FRMD4A: variants seen among roughly 807,000 people sequenced by gnomAD.
FRMD4A encodes FERM domain-containing protein 4A.
FRMD4A carries 29 observed loss-of-function variants against 129.1 expected under a neutral mutation model. That is an observed-to-expected ratio of 0.22 (90% CI 0.17 to 0.31). The LOEUF (loss-of-function observed/expected upper bound fraction) is 0.31. Among genes scored for constraint, FRMD4A ranks in the 10% least tolerant of loss-of-function variants. The pLI is 1.00. For synonymous variants in FRMD4A, 634 were observed against 571.6 expected, an observed-to-expected ratio of 1.11 and a Z score of -1.56; for missense variants, 1,272 against 1,375.8, an observed-to-expected ratio of 0.92 and a Z score of 1.19.
chr10:13,979,859 G>A (rs1202682463), intron 2 of FRMD4A, among the ~76,000 whole-genome samples: 1 of 152,164 alleles, frequency 6.6e-6, no homozygotes. Context: ...GCTGCTTTTA[G>A]GTGGCCATGC....
At chr10:14,105,622 G>T (rs939918573) in intron 2 of FRMD4A, among the ~76,000 whole-genome samples, 4 of 152,096 alleles carry the variant, frequency 2.6e-5, no homozygotes, top group Non-Finnish European at 5.9e-5. Flanking sequence ...ATTCTAAAAT[G>T]GTGCTTAGAC....
chr10:13,970,450 G>A (rs373483770), intron 2 of FRMD4A, among the ~76,000 whole-genome samples: 2 of 152,108 alleles, frequency 1.3e-5, no homozygotes, highest in African/African-American at 2.4e-5. Context: ...GCGAGGGGAC[G>A]GGTGGTTTAG....
chr10:14,164,806 C>T (rs186811527), intron 2 of FRMD4A, among the ~76,000 whole-genome samples: 1 of 152,320 alleles, frequency 6.6e-6, no homozygotes, highest in Admixed American at 6.5e-5. Context: ...CAACCTGCAA[C>T]CCACGATGGC....
chr10:13,829,250 C>A (rs1047874714), intron 3 of FRMD4A, among the ~76,000 whole-genome samples: 9 of 152,154 alleles, frequency 5.9e-5, no homozygotes, highest in African/African-American at 2.2e-4. Flanking sequence ...TCCGGCAGGG[C>A]ATGGTGGCTC....
intron 3 of FRMD4A, among the ~76,000 whole-genome samples, chr10:13,812,676 G>A (rs2093469694): frequency 6.6e-6 from 1 of 152,156 alleles, no homozygotes; most frequent in Non-Finnish European, 1.5e-5. Context: ...TGGGCTCCTG[G>A]GTGGCAGCCT....
intron 2 of FRMD4A, among the ~76,000 whole-genome samples, chr10:13,875,927 G>A (rs1039988265): frequency 2.6e-5 from 4 of 152,220 alleles, no homozygotes; most frequent in African/African-American, 9.6e-5. Flanking sequence ...CTAATCTGAT[G>A]TGTATAAAGT....
At chr10:14,115,262 G>A (rs1327000) in intron 2 of FRMD4A, among the ~76,000 whole-genome samples, 91,595 of 152,098 alleles carry the variant, frequency 0.6, 27,763 homozygotes, top group East Asian at 0.77. Context: ...TGCCTTGCAC[G>A]CTGCAGGTAT....
At chr10:14,326,951 C>A (rs1037185167) in intron 2 of FRMD4A, 11 of 398,572 alleles carry the variant, frequency 2.8e-5, no homozygotes, top group Non-Finnish European at 4.4e-5. Flanking sequence ...CTCTCCAAGT[C>A]CCCCCTTCCG....
intron 2 of FRMD4A, among the ~76,000 whole-genome samples, chr10:14,107,324 C>G (rs572014635): frequency 6.6e-6 from 1 of 152,164 alleles, no homozygotes; most frequent in South Asian, 2.1e-4. Flanking sequence ...GTGTAACAAA[C>G]CTGCATGTGA....
intron 2 of FRMD4A, among the ~76,000 whole-genome samples, chr10:13,939,755 A>G (rs1246866851): frequency 6.6e-6 from 1 of 152,186 alleles, no homozygotes; most frequent in African/African-American, 2.4e-5. Context: ...GATGTGCCAC[A>G]TTTCTTTTCA....
At chr10:13,838,061 A>C (rs1214431923) in intron 3 of FRMD4A, among the ~76,000 whole-genome samples, 3 of 152,106 alleles carry the variant, frequency 2.0e-5, no homozygotes, top group African/African-American at 7.2e-5. Flanking sequence ...ACATCACAGG[A>C]AAGATTGCTG....
chr10:13,913,446 C>A (rs2094964987), intron 2 of FRMD4A, among the ~76,000 whole-genome samples: 2 of 152,124 alleles, frequency 1.3e-5, no homozygotes, highest in African/African-American at 4.8e-5. Context: ...TGAATTAGAT[C>A]TCAATAATAA....
intron 2 of FRMD4A, among the ~76,000 whole-genome samples, chr10:13,887,699 A>C (rs935491513): frequency 2.0e-5 from 3 of 152,106 alleles, no homozygotes; most frequent in Non-Finnish European, 4.4e-5. Flanking sequence ...AACATAACTG[A>C]ACGCACACAC....
chr10:14,286,465 T>C (rs72778692), intron 2 of FRMD4A, among the ~76,000 whole-genome samples: 2,246 of 152,280 alleles, frequency 0.015, 48 homozygotes, highest in South Asian at 0.064. Context: ...ATGCTGCTCT[T>C]TCTTAAGTAG....
chr10:14,060,946 G>A (rs7898303), intron 2 of FRMD4A, among the ~76,000 whole-genome samples: 26,260 of 151,986 alleles, frequency 0.17, 3,204 homozygotes, highest in African/African-American at 0.35. Context: ...CTAGTGGAAA[G>A]ATTAGCAACA....
intron 15 of FRMD4A, among the ~76,000 whole-genome samples, chr10:13,690,856 G>A (rs891392687): frequency 2.0e-5 from 3 of 152,212 alleles, no homozygotes; most frequent in African/African-American, 7.2e-5. Flanking sequence ...TCTATTAGGT[G>A]TACAGATGGA....
At chr10:13,960,233 AT>A (rs2095438056) in intron 2 of FRMD4A, among the ~76,000 whole-genome samples, 1 of 152,220 alleles carries the variant, frequency 6.6e-6, no homozygotes, top group South Asian at 2.1e-4. Flanking sequence ...AAAAGCCTTC[AT>A]TGAATTTCCC....
intron 2 of FRMD4A, among the ~76,000 whole-genome samples, chr10:14,177,185 CTTT>C (rs1207903961): frequency 6.6e-6 from 1 of 152,090 alleles, no homozygotes; most frequent in Non-Finnish European, 1.5e-5. Flanking sequence ...ATGTACCCTT[CTTT>C]TTGTTTGTTT....
chr10:14,020,133 G>A (rs1832673575), intron 2 of FRMD4A, among the ~76,000 whole-genome samples: 1 of 152,232 alleles, frequency 6.6e-6, no homozygotes, highest in South Asian at 2.1e-4. Context: ...CTCCCGTCTT[G>A]TGCTCTTGGC....
Sources: allele counts gnomAD v4.1 joint callset (sites outside exome capture counted in the v4.1 genomes callset), GRCh38; gene constraint gnomAD v4.1.1; transcripts MANE v1.5; gene names NCBI Gene and HGNC (gene_info 2026-07-23, HGNC 2026-07-21).